Variants in LIPE observed in about 807,000 individuals in gnomAD.
LIPE encodes hormone-sensitive lipase.
Under a neutral mutation model 88.5 loss-of-function variants are expected in LIPE, and 66 were observed. That is an observed-to-expected ratio of 0.75 (90% CI 0.61 to 0.91). LIPE has a LOEUF of 0.91. Among genes scored for constraint, LIPE ranks in the 40% least tolerant of loss-of-function variants. The probability of loss-of-function intolerance (pLI) is 0.00; values close to 1 mark genes in which losing one functional copy is unlikely to be tolerated. For missense variants in LIPE, 1,346 were observed against 1,434.7 expected (o/e 0.94, Z 1.00); for synonymous variants, 570 against 617.5 (o/e 0.92, Z 1.14).
chr19:42,404,050 A>G lies in LIPE; in HGVS notation c.2543-1019T>C, dbSNP rs190124900. Among the ~76,000 whole-genome samples the G allele has an allele frequency of 3.3e-5, 5 of 150,002 alleles. 1 individual carries two copies. Among genetic ancestry groups the G allele is most frequent in the Admixed American group, 2.0e-4 (3 of 15,088 alleles). ...CCTACCATGAGGGCCAAGATGCTACAGTTTTAGTTTTTTACTTTTTTTTTT... is the reference window on the plus strand; with the variant it reads ...CCTACCATGAGGGCCAAGATGCTACGGTTTTAGTTTTTTACTTTTTTTTTT... On this transcript the variant is annotated intron_variant, in intron 8 of 9. Coordinates refer to ENST00000244289, the MANE Select transcript of LIPE (RefSeq NM_005357.4).
chr19:42,416,252 GA>G (rs2040485162), intron 1 of LIPE, among the ~76,000 whole-genome samples: 2 of 152,174 alleles, frequency 1.3e-5, no homozygotes, highest in Non-Finnish European at 2.9e-5. Flanking sequence ...GCTGAGGCAG[GA>G]GAATCACTTG....
chr19:42,425,632 C>T (rs962115613), intron 1 of LIPE, among the ~76,000 whole-genome samples: 1 of 152,088 alleles, frequency 6.6e-6, no homozygotes, highest in Non-Finnish European at 1.5e-5. Context: ...GGCAACATAG[C>T]GAGGCCACGT....
At chr19:42,417,351 CT>C (rs1310374118) in intron 1 of LIPE, among the ~76,000 whole-genome samples, 1 of 152,134 alleles carries the variant, frequency 6.6e-6, no homozygotes, top group East Asian at 1.9e-4. Flanking sequence ...CCTTGAACTT[CT>C]GGGCTCAAGT....
chr19:42,406,453 G>C lies in LIPE; in HGVS notation c.2138-65C>G. On this transcript the variant is annotated intron_variant, in intron 6 of 9. Coordinates refer to ENST00000244289, the MANE Select transcript of LIPE (RefSeq NM_005357.4). The surrounding 1 kb of genome is among the most constrained non-coding windows in gnomAD (Gnocchi z 5.7). ...GGCAGAGGCCTGGGGAGGAGGGCAG[G>C]GAGGAACTCAAGCTGGGAGAACTGG... 1.4e-6 allele frequency: 2 copies of C among 1,418,850 alleles called. No homozygotes were observed. The highest frequency in any genetic ancestry group is 9.9e-7 in the Non-Finnish European group (1 of 1,012,290). The allele number at this position is 1,418,850 out of a possible 1,614,324, so 87.9% of individuals were successfully genotyped here. A position where few individuals can be genotyped will look rare whatever the true frequency, so the allele number is the denominator to read the frequency against.
Position 42,402,637 on chromosome 19 carries a change from C to G in LIPE, c.2937G>C (p.Met979Ile). 6.7e-7 allele frequency: 1 copy of G among 1,496,742 alleles called. No homozygotes were observed. Among genetic ancestry groups the G allele is most frequent in the Non-Finnish European group, 8.9e-7 (1 of 1,121,044 alleles). 92.7% of individuals were successfully genotyped at this position (1,496,742 alleles called of 1,614,324 possible). A position where few individuals can be genotyped will look rare whatever the true frequency, so the allele number is the denominator to read the frequency against. The change falls in exon 9 of 10, where the codon ATG (methionine) becomes ATC (isoleucine). Residue 979 changes from methionine (M) to isoleucine (I), a missense_variant. By Grantham distance (10) the Met-to-Ile change is conservative. Coordinates refer to ENST00000244289, the MANE Select transcript of LIPE (RefSeq NM_005357.4). ...FMSPLLAPDS[M>I]LKSLPPVHIV... ...TGTGCACAGGTGGCAGGCTCTTGAG[C>G]ATGCTGTCGGGTGCCAGCAGCGGCG...
At position 42,407,743 on chromosome 19, in the gene LIPE, T is replaced by C; in HGVS notation, c.1705A>G (p.Ser569Gly). The C allele has an allele frequency of 6.4e-7, 1 of 1,562,590 alleles. No individual in the cohort carries two copies. Among genetic ancestry groups the C allele is most frequent in the Non-Finnish European group, 8.7e-7 (1 of 1,154,910 alleles). Residue 569 changes from serine to glycine, a missense_variant, in exon 5 of 10, where the codon AGC (serine) becomes GGC (glycine). Coordinates refer to ENST00000244289, the MANE Select transcript of LIPE (RefSeq NM_005357.4). This position sits in a 1 kb window ranked among gnomAD's most constrained non-coding sequence, Gnocchi z 5.8. ...SATVRVSRLL[S>G]LPPEAFEMPL... ...ATCTCAAAGGCTTCGGGTGGCAGGC[T>C]GAGCAGGCGGCTTACCCTCACGGTG...
rs2040189089 is a variant in LIPE at position 42,406,516 on chromosome 19, G to C, written c.2138-128C>G. 2 of 709,818 alleles carry C rather than the reference G, an allele frequency of 2.8e-6. No individual in the cohort carries two copies. The highest frequency in any genetic ancestry group is 2.4e-6 in the Non-Finnish European group (1 of 413,112). 44.0% of individuals were successfully genotyped at this position (709,818 alleles called of 1,614,324 possible). A position where few individuals can be genotyped will look rare whatever the true frequency, so the allele number is the denominator to read the frequency against. On this transcript the variant is annotated intron_variant, in intron 6 of 9. Coordinates refer to ENST00000244289, the MANE Select transcript of LIPE (RefSeq NM_005357.4). This position sits in a 1 kb window ranked among gnomAD's most constrained non-coding sequence, Gnocchi z 5.7. ...GGGGTGTGGGGCACTCCAAGGCCTA[G>C]CAGACTGCAGTTTTAGAGACTGGCA...
chr19:42,410,213 T>C lies in LIPE; in HGVS notation c.1419+94A>G. The C allele has an allele frequency of 8.7e-6, 11 of 1,262,920 alleles. No homozygotes were observed. Among genetic ancestry groups the C allele is most frequent in the Non-Finnish European group, 1.2e-5 (11 of 930,164 alleles). The allele number at this position is 1,262,920 out of a possible 1,614,324, so 78.2% of individuals were successfully genotyped here. The stretch of plus-strand genomic sequence containing the variant: ...TGCTGTTTGCTGAGTCCGATAATGC[T>C]GACCACTGGTTACTTTACCATACTA... On this transcript the variant is annotated intron_variant, in intron 2 of 9. Coordinates refer to ENST00000244289, the MANE Select transcript of LIPE (RefSeq NM_005357.4). This position sits in a 1 kb window ranked among gnomAD's most constrained non-coding sequence, Gnocchi z 6.1.
rs868180666 is a variant in LIPE, at chr19:42,401,853, C to G, written c.3190G>C (p.Gly1064Arg). ...CAGCCCCCGTCTACCCCCGCAGCCC[C>G]CGTCTCCCCGCTCGGCCCGGCTCCG... ...PAGAGPSGET[G>R]AAGVDGGCGG... Residue 1064 changes from glycine (G) to arginine (R), a missense_variant, in exon 10 of 10, where the codon GGG becomes CGG. Gly to Arg is a moderately radical substitution (Grantham distance 125). Transcript: ENST00000244289. The G allele has an allele frequency of 6.6e-7, 1 of 1,523,712 alleles. No homozygotes were observed. Among genetic ancestry groups the G allele is most frequent in the Non-Finnish European group, 8.8e-7 (1 of 1,139,504 alleles). The allele number at this position is 1,523,712 out of a possible 1,614,324, so 94.4% of individuals were successfully genotyped here. A position where few individuals can be genotyped will look rare whatever the true frequency, so the allele number is the denominator to read the frequency against.
intron 1 of LIPE, chr19:42,424,133 C>G: frequency 8.3e-7 from 1 of 1,201,576 alleles, no homozygotes; most frequent in Non-Finnish European, 1.1e-6. Flanking sequence ...TCCTAGTTCT[C>G]CTATTGCGCT....
chr19:42,403,081 T>C (rs754332728), intron 8 of LIPE, 50 bp from the exon 9 acceptor site: 1 of 1,480,632 alleles, frequency 6.8e-7, no homozygotes, highest in South Asian at 1.3e-5. Flanking sequence ...TGGTTGTGTG[T>C]GTGGCTGGCA....
rs2147624431 is a variant in LIPE at position 42,410,492 on chromosome 19, G to C, written c.1234C>G (p.Leu412Val). 1 of 1,613,898 alleles carries C rather than the reference G, an allele frequency of 6.2e-7. No homozygotes were observed. The highest frequency in any genetic ancestry group is 1.3e-5 in the African/African-American group (1 of 75,072). Residue 412 changes from leucine (L) to valine (V), a missense_variant, in exon 2 of 10, where the codon CTG becomes GTG. Physicochemically the swap from Leu to Val is conservative, Grantham distance 32. Coordinates refer to ENST00000244289, the MANE Select transcript of LIPE (RefSeq NM_005357.4). The surrounding 1 kb of genome is among the most constrained non-coding windows in gnomAD (Gnocchi z 6.1). ...GTGAGGGCAGCCAGGTAGGCCTCCA[G>C]CTCGGCCAGGTTGTGGCTGGTGCGG... ...FFRTSHNLAE[L>V]EAYLAALTQL...
Position 42,407,183 on chromosome 19 carries a change from C to T in LIPE, c.2128G>A (p.Ala710Thr), listed in dbSNP as rs781232134. ...FAYCWAIKHC[A>T]LLGSTGERIC... ...GGGGCCTGAGGCTCACCAAGGAGGGCGCAGTGCTTGATGGCCCAGCAGTAG... is the reference window on the plus strand; with the variant it reads ...GGGGCCTGAGGCTCACCAAGGAGGGTGCAGTGCTTGATGGCCCAGCAGTAG... The change falls in exon 6 of 10, where the codon GCC becomes ACC. Residue 710 changes from alanine (A) to threonine (T), a missense_variant. Transcript: ENST00000244289. This position sits in a 1 kb window ranked among gnomAD's most constrained non-coding sequence, Gnocchi z 5.8. 16 of 1,510,896 alleles carry T rather than the reference C, an allele frequency of 1.1e-5. No homozygotes were observed. Among genetic ancestry groups the T allele is most frequent in the Admixed American group, 1.0e-4 (5 of 47,924 alleles). The allele number at this position is 1,510,896 out of a possible 1,614,324, so 93.6% of individuals were successfully genotyped here.
chr19:42,413,516 A>C (rs1050914208), intron 1 of LIPE, among the ~76,000 whole-genome samples: 3 of 152,180 alleles, frequency 2.0e-5, no homozygotes, highest in Non-Finnish European at 4.4e-5. Flanking sequence ...ATACAAAAAA[A>C]TTAGCCGGGC....
intron 1 of LIPE, chr19:42,424,742 G>C: frequency 2.5e-6 from 1 of 397,022 alleles, no homozygotes; most frequent in Non-Finnish European, 5.1e-6. Context: ...CCACATCAGG[G>C]GACTTCAACA....
intron 8 of LIPE, among the ~76,000 whole-genome samples, chr19:42,404,967 T>G (rs1254109892): frequency 6.6e-6 from 1 of 152,058 alleles, no homozygotes; most frequent in East Asian, 1.9e-4. Flanking sequence ...GCTACCCAGG[T>G]TCAAGCGGTT....
Position 42,425,483 on chromosome 19 carries a change from T to A in LIPE, c.883+784A>T, listed in dbSNP as rs1248414242. Reference sequence around the variant, plus strand: ...ATGGCCCTGTGCAAGAACCCTTACTTCTTTATTTTCTACCTGATGTCCTCA... The same window carrying A: ...ATGGCCCTGTGCAAGAACCCTTACTACTTTATTTTCTACCTGATGTCCTCA... On this transcript the variant is annotated intron_variant, in intron 1 of 9. Transcript: ENST00000244289. Among the ~76,000 whole-genome samples the A allele has an allele frequency of 2.0e-5, 3 of 151,954 alleles. No individual in the cohort carries two copies. The East Asian group carries it at 5.8e-4, about 30-fold the overall frequency.
intron 1 of LIPE, among the ~76,000 whole-genome samples, chr19:42,412,035 CCA>C (rs752207259): frequency 6.6e-6 from 1 of 152,210 alleles, no homozygotes; most frequent in Non-Finnish European, 1.5e-5. Context: ...GGGTCCACAG[CCA>C]CACTTATGTG....
rs1339255322 is a variant in LIPE, at chr19:42,414,313, A to G, written c.884-3471T>C. ...AAGAAAGGAAAGGAAGGAAAGAAAG[A>G]AAGGAAAGAAGAAAAGAAAAGGAAA... On this transcript the variant is annotated intron_variant, in intron 1 of 9. Coordinates refer to ENST00000244289, the MANE Select transcript of LIPE (RefSeq NM_005357.4). This position sits in a 1 kb window ranked among gnomAD's most constrained non-coding sequence, Gnocchi z 4.6. Among the ~76,000 whole-genome samples the G allele has an allele frequency of 7.2e-6, 1 of 139,448 alleles. No individual in the cohort carries two copies. Among genetic ancestry groups the G allele is most frequent in the African/African-American group, 3.1e-5 (1 of 31,756 alleles). The allele number at this position is 139,448 out of a possible 152,430, so 91.5% of individuals were successfully genotyped here.
Sources: gnomAD v4.1 joint callset for allele counts (sites outside exome capture counted in the v4.1 genomes callset) on GRCh38, gnomAD v4.1.1 for gene constraint, Gnocchi (gnomAD v3.1) non-coding constraint, MANE v1.5 for transcripts, NCBI Gene and HGNC (gene_info 2026-07-23, HGNC 2026-07-21) for gene names.